The following NRCAM variants were observed in gnomAD, a reference collection of about 807,000 sequenced individuals.
The protein encoded by NRCAM is neuronal cell adhesion molecule.
In NRCAM, 83 loss-of-function variants were observed where a neutral mutation model predicts 156.5. The observed-to-expected ratio is 0.53, with a 90% CI of 0.44 to 0.64. The LOEUF is 0.64. NRCAM is among the 30% of genes least tolerant of loss of function. The pLI is 0.00. For synonymous variants in NRCAM, 538 were observed against 563.9 expected (o/e 0.95, Z 0.65); for missense variants, 1,417 against 1,597.3 (o/e 0.89, Z 1.92).
chr7:108,297,389 C>CA (rs1259361621), intron 3 of NRCAM, among the ~76,000 whole-genome samples: 6 of 151,944 alleles, frequency 3.9e-5, no homozygotes, highest in Non-Finnish European at 5.9e-5. Context: ...AGCTGAGTTC[C>CA]AAAAAAATGC....
intron 3 of NRCAM, among the ~76,000 whole-genome samples, chr7:108,305,195 C>A (rs2098697177): frequency 6.6e-6 from 1 of 152,138 alleles, no homozygotes; most frequent in Middle Eastern, 3.4e-3. Flanking sequence ...AAAATATATC[C>A]CAGTCAAATA....
At chr7:108,437,403 C>T (rs1833550893) in intron 1 of NRCAM, among the ~76,000 whole-genome samples, 1 of 152,128 alleles carries the variant, frequency 6.6e-6, no homozygotes, top group Non-Finnish European at 1.5e-5. Flanking sequence ...AATAATTTTA[C>T]TGCATATCTT....
chr7:108,345,695 C>T (rs1210359210), intron 2 of NRCAM, among the ~76,000 whole-genome samples: 2 of 152,202 alleles, frequency 1.3e-5, no homozygotes, highest in Non-Finnish European at 1.5e-5. Context: ...AAACCAGGAA[C>T]AGGGCCTTCA....
At chr7:108,286,232 A>G (rs1010626015) in intron 3 of NRCAM, among the ~76,000 whole-genome samples, 1 of 152,220 alleles carries the variant, frequency 6.6e-6, no homozygotes, top group Admixed American at 6.5e-5. Context: ...GGCTCAAAAT[A>G]GGAAAAGGGA....
rs943596840 is a variant in NRCAM at position 108,194,390 on chromosome 7, A to G, written c.1502T>C (p.Ile501Thr). The G allele has an allele frequency of 6.2e-7, 1 of 1,612,644 alleles. No homozygotes were observed. Among genetic ancestry groups the G allele is most frequent in the Non-Finnish European group, 8.5e-7 (1 of 1,179,144 alleles). ...GAKGSALHEDIYVLHENGTLE... is the reference protein window; with the variant it reads ...GAKGSALHEDTYVLHENGTLE... ...AGTTCCATTTTCATGTAAAACATAA[A>G]TATCTTCATGAAGAGCACTTCCTTT... is the stretch of plus-strand genomic sequence containing the variant. The change falls in exon 16 of 33, where the codon ATT (isoleucine) becomes ACT (threonine). Residue 501 changes from isoleucine to threonine, a missense_variant. Ile to Thr is a moderately conservative substitution (Grantham distance 89). Coordinates refer to ENST00000379028, the MANE Select transcript of NRCAM (RefSeq NM_001037132.4).
intron 13 of NRCAM, 147 bp from the exon 14 acceptor site, chr7:108,198,246 T>C (rs2076153830): frequency 3.7e-6 from 2 of 544,592 alleles, no homozygotes; most frequent in South Asian, 3.5e-5. Flanking sequence ...AACCAGAACA[T>C]TTTCCTTCTC....
In NRCAM at chr7:108,225,716, A is replaced by G. The variant is rs774219439; in HGVS notation, c.722-15T>C. 7.7e-6 allele frequency: 12 copies of G among 1,555,912 alleles called. No homozygotes were observed. Among genetic ancestry groups the G allele is most frequent in the Middle Eastern group, 1.7e-4 (1 of 5,962 alleles). On this transcript the variant is annotated splice_polypyrimidine_tract_variant and intron_variant, in intron 9 of 32. Transcript: ENST00000379028. ...CAATTCATCCACTGAAATAAACAGA[A>G]TATTATGAAGAGGGCATAAAAGTGG... is the stretch of plus-strand genomic sequence containing the variant.
chr7:108,157,726 G>A (rs2046398495), intron 32 of NRCAM, among the ~76,000 whole-genome samples: 1 of 152,228 alleles, frequency 6.6e-6, no homozygotes, highest in Non-Finnish European at 1.5e-5. Flanking sequence ...AAAGTCACAT[G>A]ACCTCAGATC....
chr7:108,261,810 T>A (rs1162345655), intron 3 of NRCAM, among the ~76,000 whole-genome samples: 1 of 152,110 alleles, frequency 6.6e-6, no homozygotes, highest in Admixed American at 6.5e-5. Context: ...TGGTTAATAG[T>A]TCTAGAAATC....
intron 1 of NRCAM, among the ~76,000 whole-genome samples, chr7:108,420,394 C>T (rs1807861999): frequency 1.3e-5 from 2 of 152,140 alleles, no homozygotes; most frequent in South Asian, 4.2e-4. Context: ...TCTGTGTGTT[C>T]TGAATAAATG....
rs79056294 is a variant in NRCAM, at chr7:108,252,368, T to C, written c.-106-12198A>G. ...AAGGCTTTCCAAATTTAGGTTTCTG[T>C]CTCCTTCGAGAATTTTAAATAAGAC... On this transcript the variant is annotated intron_variant, in intron 3 of 32. Coordinates refer to ENST00000379028, the MANE Select transcript of NRCAM (RefSeq NM_001037132.4). Among the ~76,000 whole-genome samples, 620 of 152,286 alleles carry C rather than the reference T, an allele frequency of 4.1e-3. 6 individuals are homozygous for C. Among genetic ancestry groups the C allele is most frequent in the African/African-American group, 0.014 (591 of 41,554 alleles).
chr7:108,236,198 T>C (rs764614200), intron 5 of NRCAM, among the ~76,000 whole-genome samples: 2 of 152,188 alleles, frequency 1.3e-5, no homozygotes, highest in Non-Finnish European at 2.9e-5. Context: ...TTCAGTCTTA[T>C]AAATCTATAA....
intron 1 of NRCAM, among the ~76,000 whole-genome samples, chr7:108,432,872 G>A (rs1827213067): frequency 6.6e-6 from 1 of 151,784 alleles, no homozygotes; most frequent in Non-Finnish European, 1.5e-5. Flanking sequence ...CAGCCTGGGT[G>A]ACAGAGTGAG....
chr7:108,389,141 A>G (rs1192064510), intron 2 of NRCAM, among the ~76,000 whole-genome samples: 1 of 152,124 alleles, frequency 6.6e-6, no homozygotes, highest in African/African-American at 2.4e-5. Context: ...TCTATAAATT[A>G]CCTTGGGCAG....
At chr7:108,216,134 T>C (rs1259699119) in intron 11 of NRCAM, among the ~76,000 whole-genome samples, 1 of 152,240 alleles carries the variant, frequency 6.6e-6, no homozygotes, top group Non-Finnish European at 1.5e-5. Context: ...AGGATTTGCT[T>C]GTCTGTAAAG....
At chr7:108,323,057 A>G (rs2099021379) in intron 2 of NRCAM, among the ~76,000 whole-genome samples, 1 of 152,048 alleles carries the variant, frequency 6.6e-6, no homozygotes, top group Non-Finnish European at 1.5e-5. Flanking sequence ...GTGTTATGAG[A>G]GCTTGGTTTT....
intron 1 of NRCAM, among the ~76,000 whole-genome samples, chr7:108,452,742 A>C (rs111462224): frequency 2.7e-3 from 404 of 152,382 alleles, no homozygotes; most frequent in African/African-American, 9.3e-3. Flanking sequence ...AGAATATGTT[A>C]GAAGCTCTAC....
chr7:108,387,696 T>C (rs1419688772), intron 2 of NRCAM, among the ~76,000 whole-genome samples: 69 of 151,990 alleles, frequency 4.5e-4, no homozygotes. Flanking sequence ...GTATATCTCC[T>C]AATGCTATCC....
intron 3 of NRCAM, among the ~76,000 whole-genome samples, chr7:108,276,212 G>C (rs2097598063): frequency 6.6e-6 from 1 of 152,304 alleles, no homozygotes; most frequent in African/African-American, 2.4e-5. Flanking sequence ...ATATTCTGTT[G>C]ATTTGGGGTG....
Sources: gnomAD v4.1 joint callset for allele counts (sites outside exome capture counted in the v4.1 genomes callset) on GRCh38, gnomAD v4.1.1 for gene constraint, MANE v1.5 for transcripts, NCBI Gene and HGNC (gene_info 2026-07-23, HGNC 2026-07-21) for gene names.